The following LINGO2 variants were observed in gnomAD, a reference collection of about 807,000 sequenced individuals.
LINGO2 encodes the protein leucine-rich repeat and immunoglobulin-like domain-containing nogo receptor-interacting protein 2.
Under a neutral mutation model 30.6 loss-of-function variants are expected in LINGO2, and 14 were observed. The ratio of observed to expected loss-of-function variants is 0.46; its 90% CI spans 0.30 to 0.72. LINGO2 has a LOEUF of 0.72. LINGO2 is among the 30% of genes least tolerant of loss of function. LINGO2 has a pLI of 0.07. For synonymous variants in LINGO2, 317 were observed against 288.5 expected (o/e 1.10, Z -1.00); for missense variants, 729 against 751.7 (o/e 0.97, Z 0.35).
chr9:29,128,336 C>A, the LINGO2 span, among the ~76,000 whole-genome samples: 1 of 152,272 alleles, frequency 6.6e-6, no homozygotes, highest in African/African-American at 2.4e-5. Context: ...TTGCAGATTA[C>A]TATGAGAAAC....
rs183578715 is a variant in LINGO2 at position 28,377,887 on chromosome 9, G to A, written c.-278-5019C>T. ...ACGGTCCAGTAAAATGTTACTTCAGGCAGTATTTACAATCAGAACACAGAA... is the reference window on the plus strand; with the variant it reads ...ACGGTCCAGTAAAATGTTACTTCAGACAGTATTTACAATCAGAACACAGAA... On this transcript the variant is annotated intron_variant, in intron 2 of 5. Transcript: ENST00000379992. Among the ~76,000 whole-genome samples the A allele has an allele frequency of 3.3e-5, 5 of 152,182 alleles. No individual in the cohort carries two copies. The East Asian group carries it at 9.7e-4, about 29-fold the overall frequency.
chr9:28,862,537 C>T, the LINGO2 span, among the ~76,000 whole-genome samples: 30 of 151,924 alleles, frequency 2.0e-4, 1 homozygote, highest in South Asian at 5.8e-3. Flanking sequence ...TTAAAGTCAC[C>T]CAACCTTATA....
chr9:28,999,208 AATAC>A, the LINGO2 span, among the ~76,000 whole-genome samples: 1 of 152,098 alleles, frequency 6.6e-6, no homozygotes, highest in Non-Finnish European at 1.5e-5. Flanking sequence ...GAAATAAATA[AATAC>A]AAAGCCAGGA....
chr9:28,596,147 T>G (rs1825166190), intron 1 of LINGO2, among the ~76,000 whole-genome samples: 1 of 152,276 alleles, frequency 6.6e-6, no homozygotes, highest in South Asian at 2.1e-4. Context: ...ACTATTTTTT[T>G]GAACACTGAA....
the LINGO2 span, among the ~76,000 whole-genome samples, chr9:29,163,378 G>A: frequency 6.6e-6 from 1 of 152,020 alleles, no homozygotes; most frequent in Non-Finnish European, 1.5e-5. Context: ...TTTTATATAG[G>A]TTCCAGTCTT....
intron 5 of LINGO2, among the ~76,000 whole-genome samples, chr9:27,974,452 C>T (rs750015975): frequency 2.4e-4 from 37 of 152,052 alleles, no homozygotes; most frequent in Non-Finnish European, 4.6e-4. Context: ...AAAAACACAG[C>T]GCAGAGTCAC....
At chr9:29,061,415 C>T in the LINGO2 span, among the ~76,000 whole-genome samples, 2 of 151,864 alleles carry the variant, frequency 1.3e-5, no homozygotes, top group Non-Finnish European at 2.9e-5. Context: ...AGGTCTCCCA[C>T]TTTCTGATTT....
the LINGO2 span, among the ~76,000 whole-genome samples, chr9:29,205,697 T>C: frequency 6.6e-6 from 1 of 152,166 alleles, no homozygotes; most frequent in Non-Finnish European, 1.5e-5. Context: ...TGTAGGAAGA[T>C]TTTTTGTTTT....
At chr9:27,943,030 T>C in the LINGO2 span, 2 of 152,206 alleles carry the variant, frequency 1.3e-5, no homozygotes, top group Non-Finnish European at 2.9e-5. Flanking sequence ...CAGATATGTA[T>C]ATACATCATT....
the LINGO2 span, among the ~76,000 whole-genome samples, chr9:28,752,346 G>A: frequency 6.6e-6 from 1 of 151,944 alleles, no homozygotes; most frequent in African/African-American, 2.4e-5. Context: ...AAGGAGAATA[G>A]CCGGAGAGAT....
At chr9:29,162,562 A>C in the LINGO2 span, among the ~76,000 whole-genome samples, 1 of 152,186 alleles carries the variant, frequency 6.6e-6, no homozygotes, top group Non-Finnish European at 1.5e-5. Context: ...AATAAATATA[A>C]GAATGAAGTA....
the LINGO2 span, among the ~76,000 whole-genome samples, chr9:29,000,948 T>C: frequency 6.6e-6 from 1 of 151,998 alleles, no homozygotes; most frequent in African/African-American, 2.4e-5. Context: ...GAAATCAATT[T>C]AAGGAATAAT....
chr9:28,502,835 T>C (rs1008266692), intron 1 of LINGO2, among the ~76,000 whole-genome samples: 5 of 152,076 alleles, frequency 3.3e-5, no homozygotes, highest in African/African-American at 1.2e-4. Context: ...AAATGTACTT[T>C]CGGGAGAGTA....
At chr9:29,106,284 G>A in the LINGO2 span, among the ~76,000 whole-genome samples, 2 of 152,154 alleles carry the variant, frequency 1.3e-5, no homozygotes, top group African/African-American at 2.4e-5. Context: ...GAAAATAATC[G>A]TGCTGTCACT....
chr9:29,150,920 T>C, the LINGO2 span, among the ~76,000 whole-genome samples: 1 of 152,046 alleles, frequency 6.6e-6, no homozygotes, highest in Non-Finnish European at 1.5e-5. Context: ...CAAGATACTA[T>C]ACAATATGAC....
intron 1 of LINGO2, among the ~76,000 whole-genome samples, chr9:28,581,154 A>T (rs1824238152): frequency 6.6e-6 from 1 of 151,900 alleles, no homozygotes; most frequent in Admixed American, 6.6e-5. Flanking sequence ...TGAACTTTAG[A>T]TGTTTTGCTA....
At chr9:28,110,393 T>C (rs1474727725) in intron 4 of LINGO2, among the ~76,000 whole-genome samples, 2 of 152,054 alleles carry the variant, frequency 1.3e-5, no homozygotes, top group African/African-American at 2.4e-5. Flanking sequence ...AATTGACAAA[T>C]GGGATCTAAT....
At chr9:28,429,806 T>G (rs1823573700) in intron 2 of LINGO2, among the ~76,000 whole-genome samples, 1 of 152,166 alleles carries the variant, frequency 6.6e-6, no homozygotes, top group Admixed American at 6.5e-5. Flanking sequence ...CAACAGACTT[T>G]GAATCCATGC....
At chr9:28,601,851 A>T (rs1825490745) in intron 1 of LINGO2, among the ~76,000 whole-genome samples, 1 of 152,092 alleles carries the variant, frequency 6.6e-6, no homozygotes, top group Non-Finnish European at 1.5e-5. Context: ...AAATGAAAAA[A>T]TCTAGAATGT....
Sources: gnomAD v4.1 joint callset for allele counts (sites outside exome capture counted in the v4.1 genomes callset) on GRCh38, gnomAD v4.1.1 for gene constraint, MANE v1.5 for transcripts, NCBI Gene and HGNC (gene_info 2026-07-23, HGNC 2026-07-21) for gene names.